Variants in ACAT1 observed in about 807,000 individuals in gnomAD.
ACAT1 encodes the protein acetyl-CoA acetyltransferase, mitochondrial.
In ACAT1, 28 loss-of-function variants were observed where a neutral mutation model predicts 47.3. That is an observed-to-expected ratio of 0.59 (90% CI 0.44 to 0.81). The LOEUF is 0.81. Among genes scored for constraint, ACAT1 ranks in the 30% least tolerant of loss-of-function variants. The pLI is 0.00. For missense variants in ACAT1, 469 were observed against 524.3 expected, an observed-to-expected ratio of 0.89 and a Z score of 1.03; for synonymous variants, 181 against 173.6, an observed-to-expected ratio of 1.04 and a Z score of -0.34.
At chr11:108,117,996 G>A (rs1428963785), upstream of ACAT1, among the ~76,000 whole-genome samples, 2 of 152,182 alleles carry the variant, frequency 1.3e-5, no homozygotes, top group African/African-American at 2.4e-5. Flanking sequence ...CTTGACAAAT[G>A]TAATAAATCC....
Position 108,146,379 on chromosome 11 carries a change from A to G in ACAT1, c.1163+20A>G, listed in dbSNP as rs770967192. On this transcript the variant is annotated intron_variant, in intron 11 of 11. Coordinates refer to ENST00000265838, the MANE Select transcript of ACAT1 (RefSeq NM_000019.4). The stretch of plus-strand genomic sequence containing the variant: ...AATTGGGTAGGTAAAAATAATAACT[A>G]TATCTAGGTTAAGAGCTGCCTTTGT... The G allele has an allele frequency of 3.1e-6, 5 of 1,612,120 alleles. No individual in the cohort carries two copies. In the African/African-American group the frequency reaches 4.0e-5, roughly 13 times the overall value.
At chr11:108,131,080 T>G (rs898827951) in intron 1 of ACAT1, among the ~76,000 whole-genome samples, 1 of 152,110 alleles carries the variant, frequency 6.6e-6, no homozygotes. Flanking sequence ...CTAAGAAGTG[T>G]GGAAAGAACT....
At chr11:108,128,473 C>G (rs528861793) in intron 1 of ACAT1, among the ~76,000 whole-genome samples, 1 of 152,324 alleles carries the variant, frequency 6.6e-6, no homozygotes, top group South Asian at 2.1e-4. Flanking sequence ...TGCCTGTAGT[C>G]CCAGGTACTC....
intron 1 of ACAT1, among the ~76,000 whole-genome samples, chr11:108,127,495 C>T (rs1334314406): frequency 6.6e-6 from 1 of 152,028 alleles, no homozygotes; most frequent in African/African-American, 2.4e-5. Context: ...GTCTCTATCT[C>T]CCGACCTCGT....
At chr11:108,121,378 A>G (rs1397340507), upstream of ACAT1, 9 of 594,202 alleles carry the variant, frequency 1.5e-5, no homozygotes, top group African/African-American at 1.1e-4. Context: ...CCCCAGCGCC[A>G]GTGTCTCCAT....
intron 4 of ACAT1, 86 bp from the exon 5 acceptor site, chr11:108,135,056 G>T (rs2077443032): frequency 7.0e-6 from 6 of 855,268 alleles, no homozygotes; most frequent in African/African-American, 1.7e-5. Flanking sequence ...CAGAAGAAAT[G>T]TTGTAGTTTA....
chr11:108,124,662 G>A (rs182422414), intron 1 of ACAT1, among the ~76,000 whole-genome samples: 1 of 152,232 alleles, frequency 6.6e-6, no homozygotes, highest in Admixed American at 6.5e-5. Context: ...AGCTTTCAGT[G>A]GCTTGTCATT....
intron 9 of ACAT1, 115 bp downstream of exon 9, chr11:108,142,665 C>T (rs898834234): frequency 8.6e-6 from 7 of 810,006 alleles, no homozygotes; most frequent in African/African-American, 6.8e-5. Flanking sequence ...AGTGAGACTT[C>T]GTCTCTACAA....
intron 5 of ACAT1, among the ~76,000 whole-genome samples, chr11:108,137,197 T>C (rs2077485462): frequency 6.6e-6 from 1 of 152,102 alleles, no homozygotes; most frequent in Non-Finnish European, 1.5e-5. Flanking sequence ...AAGGCAGACA[T>C]GAAGTAGTGT....
chr11:108,141,064 C>T (rs115618070), intron 7 of ACAT1, among the ~76,000 whole-genome samples: 1,669 of 151,570 alleles, frequency 0.011, 37 homozygotes, highest in African/African-American at 0.038. Context: ...GGCCTCCACA[C>T]AAAAAAATTA....
chr11:108,141,431 TG>T (rs1565293844), intron 7 of ACAT1, among the ~76,000 whole-genome samples, 173 bp from the exon 8 acceptor site: 1 of 150,266 alleles, frequency 6.7e-6, no homozygotes, highest in African/African-American at 2.5e-5. Context: ...CTTTTTAAGA[TG>T]GTAACATAAT....
intron 2 of ACAT1, 83 bp downstream of exon 2, chr11:108,132,037 C>A (rs2077370657): frequency 1.2e-6 from 1 of 859,368 alleles, no homozygotes; most frequent in Non-Finnish European, 1.9e-6. Flanking sequence ...GATTTGGATA[C>A]ATGTGAAAGT....
chr11:108,135,548 A>G (rs2077453528), intron 5 of ACAT1, among the ~76,000 whole-genome samples: 1 of 151,790 alleles, frequency 6.6e-6, no homozygotes, highest in South Asian at 2.1e-4. Context: ...AAAAAGCCTA[A>G]GTGTCTTGTG....
intron 10 of ACAT1, among the ~76,000 whole-genome samples, chr11:108,145,617 T>C (rs2077688758): frequency 6.6e-6 from 1 of 152,162 alleles, no homozygotes; most frequent in Admixed American, 6.5e-5. Flanking sequence ...TATAAAGCAT[T>C]ATGTGCCCCT....
Position 108,124,380 on chromosome 11 carries a change from CAGCCTCCTGAGT to C in ACAT1, c.72+2706_72+2717del, listed in dbSNP as rs1388725637. On this transcript the variant is annotated intron_variant, in intron 1 of 11. Transcript: ENST00000265838. ...CCGGGTTCAAGCAGTTCTCCTGCCTCAGCCTCCTGAGTAGCTGGGATTACAGGCATGTGCCAC... is the reference window on the plus strand; with the variant it reads ...CCGGGTTCAAGCAGTTCTCCTGCCTCAGCTGGGATTACAGGCATGTGCCAC... Among the ~76,000 whole-genome samples, 4 of 152,310 alleles carry C rather than the reference CAGCCTCCTGAGT, an allele frequency of 2.6e-5. No homozygotes were observed. The South Asian group carries it at 8.3e-4, about 32-fold the overall frequency.
intron 2 of ACAT1, among the ~76,000 whole-genome samples, chr11:108,132,769 G>T (rs2077386341): frequency 6.8e-6 from 1 of 146,672 alleles, no homozygotes; most frequent in Non-Finnish European, 1.5e-5. Context: ...CAGGAGAATG[G>T]CGTGAATCCG....
chr11:108,121,957 G>C (rs1336877094), intron 1 of ACAT1: 2 of 529,756 alleles, frequency 3.8e-6, no homozygotes, highest in African/African-American at 3.9e-5. Flanking sequence ...TGTCTGGGCG[G>C]GCAGGACCGC....
chr11:108,145,763 G>A (rs1302651770), intron 10 of ACAT1, among the ~76,000 whole-genome samples: 2 of 152,098 alleles, frequency 1.3e-5, no homozygotes, highest in African/African-American at 4.8e-5. Flanking sequence ...TCTGAAAATG[G>A]GCCGGGTGCG....
At chr11:108,141,789 T>C (rs2077593381) in intron 8 of ACAT1, 89 bp downstream of exon 8, 3 of 495,224 alleles carry the variant, frequency 6.1e-6, no homozygotes, top group African/African-American at 2.4e-5. Context: ...TGAAAAATTC[T>C]AGAAAACATC....
Sources: gnomAD v4.1 joint callset for allele counts (sites outside exome capture counted in the v4.1 genomes callset) on GRCh38, gnomAD v4.1.1 for gene constraint, MANE v1.5 for transcripts, NCBI Gene and HGNC (gene_info 2026-07-23, HGNC 2026-07-21) for gene names.